The following TLR4 variants were observed in gnomAD, a reference collection of about 807,000 sequenced individuals.
The protein encoded by TLR4 is toll-like receptor 4.
TLR4 carries 17 observed loss-of-function variants against 27.4 expected under a neutral mutation model. The ratio of observed to expected loss-of-function variants is 0.62; its 90% CI spans 0.42 to 0.93. The LOEUF (loss-of-function observed/expected upper bound fraction) is 0.93. Ranked by LOEUF, TLR4 falls within the 40% of genes least tolerant of loss-of-function variation. TLR4 has a pLI of 0.00. For missense variants in TLR4, 926 were observed against 962.3 expected, an observed-to-expected ratio of 0.96 and a Z score of 0.50; for synonymous variants, 363 against 365.7, an observed-to-expected ratio of 0.99 and a Z score of 0.08.
chr9:117,705,735 T>C (rs986225321), intron 1 of TLR4, among the ~76,000 whole-genome samples: 1 of 152,206 alleles, frequency 6.6e-6, no homozygotes, highest in Non-Finnish European at 1.5e-5. Context: ...TGCACGTTCT[T>C]GTTTGTTATG....
At position 117,713,215 on chromosome 9, in the gene TLR4, G is replaced by C; in HGVS notation, c.1087G>C (p.Gly363Arg). The C allele has an allele frequency of 3.7e-6, 6 of 1,613,988 alleles. No homozygotes were observed. The highest frequency in any genetic ancestry group is 5.1e-6 in the Non-Finnish European group (6 of 1,179,986). ...LKRLTFTSNK[G>R]GNAFSEVDLP... ...AAGGCTTACTTTCACTTCCAACAAA[G>C]GTGGGAATGCTTTTTCAGAAGTTGA... The change falls in exon 3 of 3, where the codon GGT (glycine) becomes CGT (arginine). Residue 363 changes from glycine (G) to arginine (R), a missense_variant. Coordinates refer to ENST00000355622, the MANE Select transcript of TLR4 (RefSeq NM_138554.5).
intron 1 of TLR4, among the ~76,000 whole-genome samples, chr9:117,705,605 G>GCCTGTCCATC (rs1279746486): frequency 1.3e-5 from 2 of 152,104 alleles, no homozygotes; most frequent in Non-Finnish European, 2.9e-5. Flanking sequence ...AGTCCCTGAA[G>GCCTGTCCATC]CCTGTCCATC....
At chr9:117,706,782 C>A (rs1829143493) in intron 1 of TLR4, among the ~76,000 whole-genome samples, 1 of 152,172 alleles carries the variant, frequency 6.6e-6, no homozygotes, top group Non-Finnish European at 1.5e-5. Context: ...AACCACAGGG[C>A]ATATTTTCTA....
intron 1 of TLR4, 77 bp from the exon 2 acceptor site, chr9:117,708,486 C>T: frequency 6.2e-7 from 1 of 1,608,002 alleles, no homozygotes; most frequent in East Asian, 2.2e-5. Context: ...GGCCCCTCTC[C>T]ACCATCTCTG....
chr9:117,715,208 TC>T lies in TLR4; in HGVS notation c.*561del. 2 of 158,020 alleles carry T rather than the reference TC, an allele frequency of 1.3e-5. No homozygotes were observed. Among genetic ancestry groups the T allele is most frequent in the Admixed American group, 6.0e-5 (1 of 16,668 alleles). The allele number at this position is 158,020 out of a possible 1,614,324, so 9.8% of individuals were successfully genotyped here. A position where few individuals can be genotyped will look rare whatever the true frequency, so the allele number is the denominator to read the frequency against. ...CTAAGGAAACCTGATTAACACATGC[TC>T]ACAACCATCCTGGTCATTCTCGAGC... is the stretch of plus-strand genomic sequence containing the variant. On this transcript the variant is annotated 3_prime_UTR_variant, in exon 3 of 3. Transcript: ENST00000355622.
At chr9:117,707,745 C>T (rs925199533) in intron 1 of TLR4, among the ~76,000 whole-genome samples, 6 of 152,176 alleles carry the variant, frequency 3.9e-5, no homozygotes, top group African/African-American at 1.2e-4. Context: ...CCTATTTCTA[C>T]ATCACTTTGC....
At chr9:117,711,384 C>T (rs908032038) in intron 2 of TLR4, among the ~76,000 whole-genome samples, 1 of 152,194 alleles carries the variant, frequency 6.6e-6, no homozygotes, top group Non-Finnish European at 1.5e-5. Context: ...TTTTCATTGG[C>T]TTGCTGTTTG....
rs1588097424 is a variant in TLR4 at position 117,718,235 on chromosome 9, T to C, written c.*3587T>C. On this transcript the variant is annotated 3_prime_UTR_variant, in exon 3 of 3. Transcript: ENST00000355622. ...CCAGGTCACTCAAGGACACTTTCTT[T>C]CTTCCACACCCAATTGCTTCATGCT... The C allele has an allele frequency of 6.6e-6, 1 of 152,134 alleles. No individual in the cohort carries two copies. The highest frequency in any genetic ancestry group is 2.4e-5 in the African/African-American group (1 of 41,426). The allele number at this position is 152,134 out of a possible 1,614,324, so 9.4% of individuals were successfully genotyped here. A position where few individuals can be genotyped will look rare whatever the true frequency, so the allele number is the denominator to read the frequency against.
chr9:117,713,369 T>C lies in TLR4; in HGVS notation c.1241T>C (p.Met414Thr). Reference protein sequence around the residue: ...LDLSFNGVITMSSNFLGLEQL... With the variant: ...LDLSFNGVITTSSNFLGLEQL... ...CTGAGCTTCAATGGTGTTATTACCA[T>C]GAGTTCAAACTTCTTGGGCTTAGAA... Residue 414 changes from methionine (M) to threonine (T), a missense_variant, in exon 3 of 3, where the codon ATG becomes ACG. Coordinates refer to ENST00000355622, the MANE Select transcript of TLR4 (RefSeq NM_138554.5). 6.2e-7 allele frequency: 1 copy of C among 1,614,080 alleles called. No homozygotes were observed. The highest frequency in any genetic ancestry group is 8.5e-7 in the Non-Finnish European group (1 of 1,179,982).
At position 117,719,380 on chromosome 9, in the gene TLR4, A is replaced by C. The variant is rs999176694; in HGVS notation, c.*4732A>C. The C allele has an allele frequency of 6.6e-6, 1 of 152,174 alleles. No homozygotes were observed. The allele number at this position is 152,174 out of a possible 1,614,324, so 9.4% of individuals were successfully genotyped here. A position where few individuals can be genotyped will look rare whatever the true frequency, so the allele number is the denominator to read the frequency against. On this transcript the variant is annotated 3_prime_UTR_variant, in exon 3 of 3. Transcript: ENST00000355622. Reference sequence around the variant, plus strand: ...GGTGGCAGCACTGAGATTAGGATCTAAGTCCACTTCACCGCAGAAGCAGGG... The same window carrying C: ...GGTGGCAGCACTGAGATTAGGATCTCAGTCCACTTCACCGCAGAAGCAGGG...
chr9:117,712,347 C>T, intron 2 of TLR4, 42 bp from the exon 3 acceptor site: 1 of 1,571,034 alleles, frequency 6.4e-7, no homozygotes, highest in Middle Eastern at 1.7e-4. Flanking sequence ...GGTTCTTATT[C>T]AGCAGAAATA....
Position 117,704,455 on chromosome 9 carries a change from A to AG in TLR4, c.-17dup. 3 of 1,608,894 alleles carry AG rather than the reference A, an allele frequency of 1.9e-6. No individual in the cohort carries two copies. Among genetic ancestry groups the AG allele is most frequent in the Non-Finnish European group, 2.5e-6 (3 of 1,177,582 alleles). On this transcript the variant is annotated 5_prime_UTR_variant, in exon 1 of 3. Transcript: ENST00000355622. Reference sequence around the variant, plus strand: ...CAGGGCCACTGCTGCTCACAGAAGCAGTGAGGATGATGCCAGGATGATGTC... The same window carrying AG: ...CAGGGCCACTGCTGCTCACAGAAGCAGGTGAGGATGATGCCAGGATGATGTC...
In TLR4 at chr9:117,718,027, T is replaced by A. The variant is rs1829379482; in HGVS notation, c.*3379T>A. ...TGCCAATTGTAATGCCTTAAATTTG[T>A]GTGATACCTTACAACTTGAAACATA... On this transcript the variant is annotated 3_prime_UTR_variant, in exon 3 of 3. Coordinates refer to ENST00000355622, the MANE Select transcript of TLR4 (RefSeq NM_138554.5). 6.6e-6 allele frequency: 1 copy of A among 152,226 alleles called. No individual in the cohort carries two copies. Among genetic ancestry groups the A allele is most frequent in the Admixed American group, 6.5e-5 (1 of 15,282 alleles). The allele number at this position is 152,226 out of a possible 1,614,324, so 9.4% of individuals were successfully genotyped here. A position where few individuals can be genotyped will look rare whatever the true frequency, so the allele number is the denominator to read the frequency against.
Position 117,716,735 on chromosome 9 carries a change from T to C in TLR4, c.*2087T>C, listed in dbSNP as rs199611415. On this transcript the variant is annotated 3_prime_UTR_variant, in exon 3 of 3. Coordinates refer to ENST00000355622, the MANE Select transcript of TLR4 (RefSeq NM_138554.5). ...TCTCATGTTAAGTGTTCTTACCATA[T>C]ACATATACACAAGGAAGCTTTTGGA... 5 of 152,250 alleles carry C rather than the reference T, an allele frequency of 3.3e-5. No homozygotes were observed. The highest frequency in any genetic ancestry group is 7.3e-5 in the Non-Finnish European group (5 of 68,032). 9.4% of individuals were successfully genotyped at this position (152,250 alleles called of 1,614,324 possible).
rs1265374127 is a variant in TLR4 at position 117,722,723 on chromosome 9, G to A, written c.*8075G>A. On this transcript the variant is annotated 3_prime_UTR_variant, in exon 3 of 3. Coordinates refer to ENST00000355622, the MANE Select transcript of TLR4 (RefSeq NM_138554.5). ...GGTCTGCCACCGGGAGCGCACCTCT[G>A]GGCTCAGGTCTCTCATTTGTAAAAT... 6.6e-6 allele frequency: 1 copy of A among 152,128 alleles called. No individual in the cohort carries two copies. The highest frequency in any genetic ancestry group is 1.5e-5 in the Non-Finnish European group (1 of 68,028). 9.4% of individuals were successfully genotyped at this position (152,128 alleles called of 1,614,324 possible).
intron 1 of TLR4, among the ~76,000 whole-genome samples, chr9:117,707,149 G>C (rs1036887086): frequency 4.6e-5 from 7 of 152,176 alleles, no homozygotes; most frequent in African/African-American, 1.4e-4. Context: ...TGTGCTTCCC[G>C]TGAAAGGGAA....
Position 117,713,504 on chromosome 9 carries a change from C to T in TLR4, c.1376C>T (p.Thr459Ile). The T allele has an allele frequency of 6.2e-7, 1 of 1,614,126 alleles. No individual in the cohort carries two copies. Among genetic ancestry groups the T allele is most frequent in the Non-Finnish European group, 8.5e-7 (1 of 1,180,018 alleles). ...LIYLDISHTH[T>I]RVAFNGIFNG... The stretch of plus-strand genomic sequence containing the variant: ...TACCTTGACATTTCTCATACTCACA[C>T]CAGAGTTGCTTTCAATGGCATCTTC... Residue 459 changes from threonine to isoleucine, a missense_variant, in exon 3 of 3, where the codon ACC becomes ATC. Physicochemically the swap from Thr to Ile is moderately conservative, Grantham distance 89. Transcript: ENST00000355622.
Position 117,724,406 on chromosome 9 carries a change from T to C in TLR4, c.*9758T>C, listed in dbSNP as rs981990002. 2.0e-5 allele frequency: 3 copies of C among 152,280 alleles called. No individual in the cohort carries two copies. The highest frequency in any genetic ancestry group is 4.4e-5 in the Non-Finnish European group (3 of 68,056). 9.4% of individuals were successfully genotyped at this position (152,280 alleles called of 1,614,324 possible). On this transcript the variant is annotated 3_prime_UTR_variant, in exon 3 of 3. Coordinates refer to ENST00000355622, the MANE Select transcript of TLR4 (RefSeq NM_138554.5). ...ATTGTGCACTAAGTTAGTTCTTGCTTAGTAAGTCTTGTCTTTCTCTCTGCT... is the reference window on the plus strand; with the variant it reads ...ATTGTGCACTAAGTTAGTTCTTGCTCAGTAAGTCTTGTCTTTCTCTCTGCT...
intron 2 of TLR4, among the ~76,000 whole-genome samples, chr9:117,709,277 A>C (rs1829190595): frequency 6.6e-6 from 1 of 152,124 alleles, no homozygotes; most frequent in South Asian, 2.1e-4. Flanking sequence ...AAAGGTAACT[A>C]ATTGTATTTT....
Sources: allele counts gnomAD v4.1 joint callset (sites outside exome capture counted in the v4.1 genomes callset), GRCh38; gene constraint gnomAD v4.1.1; transcripts MANE v1.5; gene names NCBI Gene and HGNC (gene_info 2026-07-23, HGNC 2026-07-21).